Variants in SOX6 observed in about 807,000 individuals in gnomAD.
SOX6 encodes transcription factor SOX-6.
In SOX6, 11 loss-of-function variants were observed where a neutral mutation model predicts 97.8. That is an observed-to-expected ratio of 0.11 (90% CI 0.07 to 0.19). The LOEUF (loss-of-function observed/expected upper bound fraction) is 0.19, where lower values mean the gene tolerates loss of function less well. Among genes scored for constraint, SOX6 ranks in the 10% least tolerant of loss-of-function variants. The pLI is 1.00. For synonymous variants in SOX6, 360 were observed against 371.4 expected (o/e 0.97, Z 0.35); for missense variants, 810 against 1,039.5 (o/e 0.78, Z 3.04).
At chr11:16,427,704 C>T (rs1169337165) in intron 1 of SOX6, among the ~76,000 whole-genome samples, 2 of 152,138 alleles carry the variant, frequency 1.3e-5, no homozygotes, top group Non-Finnish European at 2.9e-5. Flanking sequence ...GTATATGTGC[C>T]ACATTTTCTT....
At chr11:16,273,738 C>T (rs1311790315) in intron 3 of SOX6, among the ~76,000 whole-genome samples, 1 of 151,880 alleles carries the variant, frequency 6.6e-6, no homozygotes, top group Non-Finnish European at 1.5e-5. Flanking sequence ...CAGGTAGATA[C>T]AAATGTTATA....
At chr11:16,040,739 G>A (rs1051270860) in intron 12 of SOX6, among the ~76,000 whole-genome samples, 4 of 151,998 alleles carry the variant, frequency 2.6e-5, no homozygotes, top group Non-Finnish European at 2.9e-5. Context: ...GAACAAATGA[G>A]ATGATGGAAA....
chr11:16,431,294 C>T (rs944742258), intron 1 of SOX6, among the ~76,000 whole-genome samples: 1 of 152,120 alleles, frequency 6.6e-6, no homozygotes, highest in Non-Finnish European at 1.5e-5. Context: ...ACCACTACCA[C>T]TAGAATATAA....
rs1431545449 is a variant in SOX6, at chr11:16,369,795, C to T, written c.-4-28543G>A. ...TTCTCTGCCTTGTGATGCTGGGGCACGATATTTCCCAGACTTCATTGCCAG... is the reference window on the plus strand; with the variant it reads ...TTCTCTGCCTTGTGATGCTGGGGCATGATATTTCCCAGACTTCATTGCCAG... On this transcript the variant is annotated intron_variant, in intron 1 of 15. Coordinates refer to the SOX6 transcript ENST00000396356. Among the ~76,000 whole-genome samples, 6 of 152,098 alleles carry T rather than the reference C, an allele frequency of 3.9e-5. No individual in the cohort carries two copies. The South Asian group carries it at 6.2e-4, about 16-fold the overall frequency.
intron 4 of SOX6, among the ~76,000 whole-genome samples, chr11:16,217,717 T>C (rs949381192): frequency 1.3e-5 from 2 of 152,158 alleles, no homozygotes; most frequent in East Asian, 1.9e-4. Flanking sequence ...ACAGGAGCCA[T>C]GTGCATATGT....
chr11:16,624,743 C>A (rs1355166360), intron 3 of SOX6, among the ~76,000 whole-genome samples: 1 of 152,168 alleles, frequency 6.6e-6, no homozygotes, highest in East Asian at 1.9e-4. Flanking sequence ...TTCCCACCAG[C>A]AATGTATGAG....
intron 4 of SOX6, among the ~76,000 whole-genome samples, chr11:16,202,505 A>T (rs902496887): frequency 2.0e-5 from 3 of 152,198 alleles, no homozygotes; most frequent in Non-Finnish European, 4.4e-5. Flanking sequence ...ATTCAACAAG[A>T]TAGTATTAGA....
At chr11:16,198,652 A>C (rs956101081) in intron 4 of SOX6, among the ~76,000 whole-genome samples, 1 of 152,200 alleles carries the variant, frequency 6.6e-6, no homozygotes, top group African/African-American at 2.4e-5. Context: ...CCTTTTGAAG[A>C]GGCAAACATC....
intron 3 of SOX6, among the ~76,000 whole-genome samples, chr11:16,694,059 T>C (rs899844387): frequency 6.6e-6 from 1 of 152,232 alleles, no homozygotes; most frequent in African/African-American, 2.4e-5. Flanking sequence ...CAGAAATATA[T>C]TTTTGACTTC....
intron 3 of SOX6, among the ~76,000 whole-genome samples, chr11:16,242,172 C>T (rs775905046): frequency 6.6e-6 from 1 of 151,992 alleles, no homozygotes; most frequent in Non-Finnish European, 1.5e-5. Context: ...AGACAAACTC[C>T]ACATACAATG....
intron 2 of SOX6, among the ~76,000 whole-genome samples, chr11:16,731,990 T>G (rs867033240): frequency 6.6e-6 from 1 of 152,142 alleles, no homozygotes; most frequent in Non-Finnish European, 1.5e-5. Context: ...CCATCCACAA[T>G]TGCTACAAAG....
intron 3 of SOX6, among the ~76,000 whole-genome samples, chr11:16,267,794 C>T (rs1854125874): frequency 6.6e-6 from 1 of 151,496 alleles, no homozygotes; most frequent in East Asian, 1.9e-4. Context: ...GAATATCAAG[C>T]TAAGTGTCCA....
At chr11:16,032,893 A>G (rs924711551) in intron 12 of SOX6, among the ~76,000 whole-genome samples, 13 of 152,078 alleles carry the variant, frequency 8.5e-5, no homozygotes, top group Non-Finnish European at 1.5e-5. Flanking sequence ...GGGCATTTCA[A>G]GTCTCTCCTC....
chr11:16,172,514 C>G (rs1851066427), intron 6 of SOX6, among the ~76,000 whole-genome samples: 2 of 152,020 alleles, frequency 1.3e-5, no homozygotes, highest in South Asian at 2.1e-4. Flanking sequence ...CAAAGGAAAC[C>G]TGAATTTGAT....
intron 3 of SOX6, among the ~76,000 whole-genome samples, chr11:16,678,657 T>C (rs995383754): frequency 2.6e-4 from 39 of 152,150 alleles, no homozygotes; most frequent in African/African-American, 8.4e-4. Flanking sequence ...CATTGCCTCA[T>C]CTAGGAAGTG....
chr11:16,237,050 G>A (rs1457466250), intron 3 of SOX6, among the ~76,000 whole-genome samples: 1 of 151,746 alleles, frequency 6.6e-6, no homozygotes, highest in Non-Finnish European at 1.5e-5. Flanking sequence ...ATATTTAATA[G>A]CAACCACTGA....
intron 4 of SOX6, among the ~76,000 whole-genome samples, chr11:16,543,878 C>T (rs1847583769): frequency 6.6e-6 from 1 of 152,120 alleles, no homozygotes; most frequent in Non-Finnish European, 1.5e-5. Flanking sequence ...AATTATGCTG[C>T]TATGTATCTT....
At chr11:16,358,946 C>T (rs1053667681), upstream of SOX6, among the ~76,000 whole-genome samples, 1 of 152,126 alleles carries the variant, frequency 6.6e-6, no homozygotes, top group Non-Finnish European at 1.5e-5. Context: ...TGCACTGTGT[C>T]AAGTACCATA....
chr11:16,317,991 T>C (rs1164904175), intron 3 of SOX6: 1 of 452,080 alleles, frequency 2.2e-6, no homozygotes, highest in Admixed American at 2.4e-5. Context: ...TGAAGCCCTC[T>C]AACTCTCCAT....
Sources: gnomAD v4.1 joint callset for allele counts (sites outside exome capture counted in the v4.1 genomes callset) on GRCh38, gnomAD v4.1.1 for gene constraint, MANE v1.5 for transcripts, NCBI Gene and HGNC (gene_info 2026-07-23, HGNC 2026-07-21) for gene names.